The following EYS variants were observed in gnomAD, a reference collection of about 807,000 sequenced individuals.
EYS encodes protein eyes shut homolog.
Under a neutral mutation model 282.1 loss-of-function variants are expected in EYS, and 250 were observed. The ratio of observed to expected loss-of-function variants is 0.89; its 90% CI spans 0.80 to 0.98. EYS has a LOEUF of 0.98. Among genes scored for constraint, EYS ranks in the 50% least tolerant of loss-of-function variants. EYS has a pLI of 0.00. For missense variants in EYS, 4,016 were observed against 3,709.0 expected (o/e 1.08, Z -2.15); for synonymous variants, 1,355 against 1,282.9 (o/e 1.06, Z -1.20).
intron 2 of EYS, among the ~76,000 whole-genome samples, chr6:65,554,343 A>G (rs1768712196): frequency 6.6e-6 from 1 of 152,152 alleles, no homozygotes; most frequent in South Asian, 2.1e-4. Context: ...TTATTATTGT[A>G]TCTTTGAACA....
chr6:65,630,894 G>C, intron 2 of EYS, among the ~76,000 whole-genome samples: 1 of 152,106 alleles, frequency 6.6e-6, no homozygotes. Flanking sequence ...GTTAACAACC[G>C]TATTGTTTGG....
intron 22 of EYS, among the ~76,000 whole-genome samples, chr6:64,749,039 C>T (rs1179183976): frequency 6.6e-6 from 1 of 152,230 alleles, no homozygotes; most frequent in African/African-American, 2.4e-5. Context: ...TCCCAAAGTG[C>T]TGGGATGACA....
intron 22 of EYS, among the ~76,000 whole-genome samples, chr6:64,707,856 G>A (rs115575489): frequency 0.01 from 1,548 of 151,648 alleles, 20 homozygotes; most frequent in African/African-American, 0.035. Flanking sequence ...TCTTGTTAAA[G>A]CAGCTTAGCT....
At chr6:65,204,960 ATATATTTATATATTCT>A (rs1765994278) in intron 12 of EYS, among the ~76,000 whole-genome samples, 3 of 121,478 alleles carry the variant, frequency 2.5e-5, no homozygotes, top group African/African-American at 9.9e-5. Flanking sequence ...TTCTAGAAGA[ATATATTTATATATTCT>A]AGAAGAATAT....
At chr6:65,390,100 G>T (rs1562144863) in intron 7 of EYS, among the ~76,000 whole-genome samples, 1 of 151,764 alleles carries the variant, frequency 6.6e-6, no homozygotes, top group Admixed American at 6.6e-5. Context: ...GGTATTTCAG[G>T]GTGTGCAATT....
intron 29 of EYS, among the ~76,000 whole-genome samples, chr6:64,326,625 C>A (rs1770431146): frequency 6.6e-6 from 1 of 152,062 alleles, no homozygotes; most frequent in South Asian, 2.1e-4. Context: ...TTTCTGGGGG[C>A]CCATCTGGGA....
intron 26 of EYS, among the ~76,000 whole-genome samples, chr6:64,561,455 C>A (rs1360298006): frequency 6.6e-6 from 1 of 152,072 alleles, no homozygotes. Context: ...GCTCATTGAA[C>A]TGATAAGCAA....
chr6:64,844,522 C>G (rs530704692), intron 19 of EYS, among the ~76,000 whole-genome samples: 98 of 152,122 alleles, frequency 6.4e-4, no homozygotes, highest in African/African-American at 2.2e-3. Context: ...AAATCTGTCT[C>G]TTATCCATGG....
At chr6:65,379,282 T>C (rs1765519530) in intron 8 of EYS, among the ~76,000 whole-genome samples, 2 of 152,102 alleles carry the variant, frequency 1.3e-5, no homozygotes, top group African/African-American at 4.8e-5. Flanking sequence ...CCAATTTGGC[T>C]TTATCCATGG....
At chr6:64,223,383 C>T (rs537362194) in intron 31 of EYS, among the ~76,000 whole-genome samples, 2 of 152,042 alleles carry the variant, frequency 1.3e-5, no homozygotes, top group South Asian at 2.1e-4. Context: ...GAGTAAAATG[C>T]GTATCCTCTA....
intron 12 of EYS, among the ~76,000 whole-genome samples, chr6:65,192,906 G>T (rs550233879): frequency 6.6e-6 from 1 of 151,892 alleles, no homozygotes; most frequent in South Asian, 2.1e-4. Flanking sequence ...TATCATTTCT[G>T]TGGGTTGGGA....
At chr6:64,597,720 A>G (rs1766630806) in intron 24 of EYS, among the ~76,000 whole-genome samples, 1 of 145,542 alleles carries the variant, frequency 6.9e-6, no homozygotes, top group Admixed American at 6.9e-5. Flanking sequence ...GTGGGGGAGG[A>G]CATGGGGGGG....
chr6:64,949,419 C>T (rs1225215946), intron 14 of EYS, among the ~76,000 whole-genome samples: 1 of 151,872 alleles, frequency 6.6e-6, no homozygotes, highest in Non-Finnish European at 1.5e-5. Context: ...AAAGACTACT[C>T]TCAGCGTTTA....
At chr6:64,497,702 C>G (rs945713125) in intron 26 of EYS, among the ~76,000 whole-genome samples, 92 of 151,972 alleles carry the variant, frequency 6.1e-4, no homozygotes, top group African/African-American at 2.0e-3. Flanking sequence ...ATCCCATTAA[C>G]CCAGGCATGT....
At chr6:64,474,757 C>G (rs1180240148) in intron 26 of EYS, among the ~76,000 whole-genome samples, 1 of 152,206 alleles carries the variant, frequency 6.6e-6, no homozygotes, top group Non-Finnish European at 1.5e-5. Context: ...GTTAAACAAT[C>G]TTTGTAGTCA....
At chr6:65,505,284 T>C (rs538029103) in intron 2 of EYS, among the ~76,000 whole-genome samples, 1 of 144,892 alleles carries the variant, frequency 6.9e-6, no homozygotes, top group African/African-American at 2.4e-5. Flanking sequence ...ATAACTTGTG[T>C]CCTCTCTCTC....
At chr6:64,306,248 G>C (rs1284064270) in intron 30 of EYS, among the ~76,000 whole-genome samples, 1 of 152,106 alleles carries the variant, frequency 6.6e-6, no homozygotes, top group Non-Finnish European at 1.5e-5. Context: ...GCTTGCATGA[G>C]GAGCAACCTC....
At chr6:65,426,233 C>T (rs1379123644) in intron 5 of EYS, among the ~76,000 whole-genome samples, 1 of 151,980 alleles carries the variant, frequency 6.6e-6, no homozygotes, top group Non-Finnish European at 1.5e-5. Context: ...ACCTTGGCCT[C>T]CTAAAGTGAT....
chr6:64,936,177 A>C (rs1768899522), intron 15 of EYS, among the ~76,000 whole-genome samples: 1 of 151,618 alleles, frequency 6.6e-6, no homozygotes, highest in Non-Finnish European at 1.5e-5. Flanking sequence ...TATTAATAGA[A>C]TATAAGACAA....
Sources: gnomAD v4.1 joint callset for allele counts (sites outside exome capture counted in the v4.1 genomes callset) on GRCh38, gnomAD v4.1.1 for gene constraint, MANE v1.5 for transcripts, NCBI Gene and HGNC (gene_info 2026-07-23, HGNC 2026-07-21) for gene names.